ADK: variants seen among roughly 807,000 people sequenced by gnomAD.
The protein encoded by ADK is adenosine kinase, also known as N6,N6-dimethyladenosine kinase.
ADK carries 24 observed loss-of-function variants against 44.7 expected under a neutral mutation model. The observed-to-expected ratio is 0.54, with a 90% CI of 0.39 to 0.76. ADK has a LOEUF of 0.76. Among genes scored for constraint, ADK ranks in the 30% least tolerant of loss-of-function variants. The pLI is 0.00. For synonymous variants in ADK, 128 were observed against 142.6 expected (o/e 0.90, Z 0.73); for missense variants, 321 against 425.1 (o/e 0.76, Z 2.15).
intron 7 of ADK, among the ~76,000 whole-genome samples, chr10:74,581,196 T>C (rs1851362941): frequency 6.6e-6 from 1 of 152,282 alleles, no homozygotes; most frequent in African/African-American, 2.4e-5. Flanking sequence ...AAATATATTA[T>C]GTATTTCAAG....
intron 4 of ADK, among the ~76,000 whole-genome samples, chr10:74,375,164 A>C (rs1294709769): frequency 3.9e-5 from 6 of 152,146 alleles, no homozygotes; most frequent in Non-Finnish European, 5.9e-5. Context: ...TTGTAAAAGA[A>C]TTCTATACAT....
At chr10:74,205,038 C>G (rs1843537585) in intron 2 of ADK, among the ~76,000 whole-genome samples, 1 of 26,550 alleles carries the variant, frequency 3.8e-5, no homozygotes, top group African/African-American at 1.8e-4. Context: ...GACACTCTGT[C>G]TCAAAAAAAA....
chr10:74,655,528 C>A, intron 9 of ADK: 1 of 501,008 alleles, frequency 2.0e-6, no homozygotes, highest in Non-Finnish European at 4.0e-6. Context: ...AGGAAGAAAA[C>A]AATGAACCAG....
At chr10:74,153,046 G>GAATT (rs146558702) in intron 1 of ADK, among the ~76,000 whole-genome samples, 30,217 of 152,028 alleles carry the variant, frequency 0.2, 3,949 homozygotes, top group African/African-American at 0.37. Flanking sequence ...TATTTACACT[G>GAATT]AATTTATGAT....
At chr10:74,208,462 TG>T (rs1243701525) in intron 2 of ADK, among the ~76,000 whole-genome samples, 4 of 152,256 alleles carry the variant, frequency 2.6e-5, no homozygotes, top group African/African-American at 9.6e-5. Context: ...TACTAGCAGC[TG>T]GTCCTAAGTG....
At chr10:74,507,555 C>T (rs1848131031) in intron 6 of ADK, among the ~76,000 whole-genome samples, 1 of 151,868 alleles carries the variant, frequency 6.6e-6, no homozygotes, top group African/African-American at 2.4e-5. Context: ...GCAGAGGTTG[C>T]AGTGAGCCGA....
At chr10:74,448,425 T>G (rs987128664) in intron 6 of ADK, among the ~76,000 whole-genome samples, 1 of 152,168 alleles carries the variant, frequency 6.6e-6, no homozygotes, top group Non-Finnish European at 1.5e-5. Flanking sequence ...TAGATTGTTA[T>G]GAGGATTAAA....
chr10:74,526,713 G>A lies in ADK; in HGVS notation c.726+1287G>A, dbSNP rs577133820. Among the ~76,000 whole-genome samples, 18 of 152,290 alleles carry A rather than the reference G, an allele frequency of 1.2e-4. No individual in the cohort carries two copies. In the South Asian group the frequency reaches 3.7e-3, roughly 32 times the overall value. On this transcript the variant is annotated intron_variant, in intron 7 of 10. Coordinates refer to ENST00000539909, the MANE Select transcript of ADK (RefSeq NM_006721.4). ...TACATTGGTTATAAATGGTGACATT[G>A]GAAGGAAATGCTATATTCTTGATAA... is the stretch of plus-strand genomic sequence containing the variant.
At chr10:74,443,183 A>G (rs1015523865) in intron 6 of ADK, among the ~76,000 whole-genome samples, 3 of 152,202 alleles carry the variant, frequency 2.0e-5, no homozygotes, top group African/African-American at 7.2e-5. Flanking sequence ...ACACAAAAAA[A>G]GATAAATTTG....
At chr10:74,547,444 A>ATATT (rs1230937334) in intron 7 of ADK, among the ~76,000 whole-genome samples, 53 of 25,626 alleles carry the variant, frequency 2.1e-3, no homozygotes, top group Non-Finnish European at 2.9e-3. Context: ...ATATATATAT[A>ATATT]TATTTATTTA....
chr10:74,342,779 TTGTGTGTGTGTG>T (rs757212421), intron 4 of ADK, among the ~76,000 whole-genome samples: 7 of 141,424 alleles, frequency 4.9e-5, no homozygotes, highest in South Asian at 2.3e-4. Context: ...CTAGCTCAGT[TTGTGTGTGTGTG>T]TGTGTGTGTG....
At chr10:74,347,550 G>A (rs539331881) in intron 4 of ADK, among the ~76,000 whole-genome samples, 3 of 152,076 alleles carry the variant, frequency 2.0e-5, no homozygotes, top group South Asian at 2.1e-4. Flanking sequence ...AGTGGCACCC[G>A]GAACCCCAGC....
intron 6 of ADK, among the ~76,000 whole-genome samples, chr10:74,484,887 TC>T (rs1847210535): frequency 1.3e-5 from 2 of 152,116 alleles, no homozygotes; most frequent in South Asian, 4.1e-4. Context: ...TACACAAAAA[TC>T]AATTTCAGGT....
intron 7 of ADK, among the ~76,000 whole-genome samples, chr10:74,560,126 C>T (rs1288921895): frequency 2.0e-5 from 3 of 152,006 alleles, no homozygotes; most frequent in Non-Finnish European, 4.4e-5. Context: ...CCTATGTTGC[C>T]CAGACTAGTC....
chr10:74,296,991 G>A (rs1839841796), intron 3 of ADK, among the ~76,000 whole-genome samples: 1 of 152,066 alleles, frequency 6.6e-6, no homozygotes, highest in African/African-American at 2.4e-5. Context: ...CAAAAAACTA[G>A]ACATAACCTA....
intron 7 of ADK, among the ~76,000 whole-genome samples, chr10:74,559,253 G>T (rs1405534230): frequency 6.6e-6 from 1 of 152,236 alleles, no homozygotes; most frequent in Non-Finnish European, 1.5e-5. Context: ...ACGCAACCTG[G>T]GTTGTGGGGA....
chr10:74,337,375 G>A (rs1177344735), intron 4 of ADK, among the ~76,000 whole-genome samples: 1 of 152,182 alleles, frequency 6.6e-6, no homozygotes, highest in Admixed American at 6.5e-5. Flanking sequence ...CATTGCACCT[G>A]CCTGGTGCTG....
At chr10:74,551,954 T>C (rs1333593126) in intron 7 of ADK, among the ~76,000 whole-genome samples, 1 of 152,198 alleles carries the variant, frequency 6.6e-6, no homozygotes, top group African/African-American at 2.4e-5. Context: ...CTCTAGATTC[T>C]TTATAATACC....
chr10:74,392,032 C>T (rs1843353984), intron 4 of ADK, among the ~76,000 whole-genome samples: 1 of 151,924 alleles, frequency 6.6e-6, no homozygotes, highest in African/African-American at 2.4e-5. Flanking sequence ...ACAGGATTTC[C>T]TTCTTTTGTT....
Sources: gnomAD v4.1 joint callset for allele counts (sites outside exome capture counted in the v4.1 genomes callset) on GRCh38, gnomAD v4.1.1 for gene constraint, MANE v1.5 for transcripts, NCBI Gene and HGNC (gene_info 2026-07-23, HGNC 2026-07-21) for gene names.